The following ITGBL1 variants were observed in gnomAD, a reference collection of about 807,000 sequenced individuals.
ITGBL1 encodes integrin subunit beta like 1, also known as integrin beta-like protein 1.
ITGBL1 carries 51 observed loss-of-function variants against 68.5 expected under a neutral mutation model. The ratio of observed to expected loss-of-function variants is 0.74; its 90% CI spans 0.59 to 0.94. The LOEUF (loss-of-function observed/expected upper bound fraction) is 0.94, where lower values mean the gene tolerates loss of function less well. Among genes scored for constraint, ITGBL1 ranks in the 40% least tolerant of loss-of-function variants. The pLI is 0.00. For synonymous variants in ITGBL1, 209 were observed against 227.3 expected, an observed-to-expected ratio of 0.92 and a Z score of 0.72; for missense variants, 649 against 647.4, an observed-to-expected ratio of 1.00 and a Z score of -0.03.
intron 2 of ITGBL1, among the ~76,000 whole-genome samples, chr13:101,495,648 C>T (rs112787779): frequency 3.0e-4 from 46 of 151,774 alleles, no homozygotes; most frequent in Middle Eastern, 3.4e-3. Context: ...ATTTTTGGTA[C>T]ACTTCCAATC....
intron 2 of ITGBL1, among the ~76,000 whole-genome samples, chr13:101,559,425 A>G (rs2050064560): frequency 6.6e-6 from 1 of 152,220 alleles, no homozygotes; most frequent in Non-Finnish European, 1.5e-5. Flanking sequence ...GAATTATTTC[A>G]TGTAGTTTTA....
intron 2 of ITGBL1, among the ~76,000 whole-genome samples, chr13:101,556,475 A>G (rs895533770): frequency 6.6e-6 from 1 of 152,032 alleles, no homozygotes; most frequent in African/African-American, 2.4e-5. Context: ...TGTCACTACT[A>G]AAAATACAAA....
At chr13:101,586,944 C>T (rs535091589) in intron 6 of ITGBL1, among the ~76,000 whole-genome samples, 34 of 152,048 alleles carry the variant, frequency 2.2e-4, no homozygotes, top group Non-Finnish European at 4.4e-4. Flanking sequence ...ATATTAATAC[C>T]TTTGTGTTAT....
At chr13:101,457,480 T>A (rs889432686) in intron 2 of ITGBL1, among the ~76,000 whole-genome samples, 2 of 152,324 alleles carry the variant, frequency 1.3e-5, no homozygotes, top group South Asian at 4.1e-4. Flanking sequence ...TGAAAGTGAT[T>A]AGGTTCCCTC....
intron 7 of ITGBL1, among the ~76,000 whole-genome samples, chr13:101,682,873 A>C (rs1361858297): frequency 3.3e-5 from 5 of 152,060 alleles, no homozygotes; most frequent in African/African-American, 4.8e-5. Flanking sequence ...TATTTAGAAT[A>C]GTTTTCTCAC....
intron 8 of ITGBL1, among the ~76,000 whole-genome samples, chr13:101,702,740 A>G (rs1376088944): frequency 6.6e-6 from 1 of 152,222 alleles, no homozygotes; most frequent in Non-Finnish European, 1.5e-5. Context: ...AGCTGGTACT[A>G]GAAGCTCTCT....
chr13:101,697,502 GAGA>G (rs1452877241), intron 8 of ITGBL1, among the ~76,000 whole-genome samples: 1 of 152,128 alleles, frequency 6.6e-6, no homozygotes, highest in African/African-American at 2.4e-5. Flanking sequence ...AGATTTAAGT[GAGA>G]AGAAGTAACC....
At chr13:101,546,239 G>A (rs1274855167) in intron 2 of ITGBL1, among the ~76,000 whole-genome samples, 1 of 152,060 alleles carries the variant, frequency 6.6e-6, no homozygotes, top group Non-Finnish European at 1.5e-5. Flanking sequence ...AGGGTGGTTG[G>A]TGCAATTGCA....
chr13:101,536,900 G>A (rs1008914148), intron 2 of ITGBL1, among the ~76,000 whole-genome samples: 2 of 151,804 alleles, frequency 1.3e-5, no homozygotes, highest in African/African-American at 4.8e-5. Flanking sequence ...GGCATTTAAA[G>A]GTTTAATTTA....
At chr13:101,505,547 T>C (rs1031118836) in intron 2 of ITGBL1, among the ~76,000 whole-genome samples, 1 of 152,202 alleles carries the variant, frequency 6.6e-6, no homozygotes, top group African/African-American at 2.4e-5. Context: ...TCAATCTGTA[T>C]TGAAATGGAT....
chr13:101,534,952 A>G (rs1451577265), intron 2 of ITGBL1, among the ~76,000 whole-genome samples: 1 of 152,120 alleles, frequency 6.6e-6, no homozygotes, highest in African/African-American at 2.4e-5. Context: ...GCAAGGAGAG[A>G]TGGAGCATTT....
At position 101,699,552 on chromosome 13, in the gene ITGBL1, C is replaced by T. The variant is rs140675943; in HGVS notation, c.1132+6851C>T. ...TTTATAAGGGGCTTCCCCCTTCACT[C>T]GACTCTCATACTTCTTCTTCCTGCC... On this transcript the variant is annotated intron_variant, in intron 8 of 10. Coordinates refer to ENST00000376180, the MANE Select transcript of ITGBL1 (RefSeq NM_004791.3). Among the ~76,000 whole-genome samples the T allele has an allele frequency of 1.2e-4, 19 of 152,234 alleles. No individual in the cohort carries two copies. In the East Asian group the frequency reaches 2.5e-3, roughly 20 times the overall value.
intron 2 of ITGBL1, among the ~76,000 whole-genome samples, chr13:101,550,320 C>T (rs2049900064): frequency 6.6e-6 from 1 of 152,120 alleles, no homozygotes; most frequent in African/African-American, 2.4e-5. Flanking sequence ...CTACTGTCTC[C>T]TTCTGGGGCA....
chr13:101,671,447 G>GGTTTTTT (rs2033368138), intron 7 of ITGBL1, among the ~76,000 whole-genome samples: 1 of 103,646 alleles, frequency 9.6e-6, no homozygotes, highest in African/African-American at 4.1e-5. Context: ...GTTTTTTTTT[G>GGTTTTTT]TTTTTTTTTG....
intron 2 of ITGBL1, among the ~76,000 whole-genome samples, chr13:101,560,581 TAC>T (rs2050083114): frequency 1.3e-5 from 2 of 152,330 alleles, no homozygotes; most frequent in South Asian, 2.1e-4. Flanking sequence ...TGTAGAATAA[TAC>T]ATTTACTTTT....
chr13:101,567,941 T>C, intron 3 of ITGBL1, 96 bp downstream of exon 3: 1 of 938,302 alleles, frequency 1.1e-6, no homozygotes. Context: ...AATCTCAGAG[T>C]GAGTCTGCTT....
intron 7 of ITGBL1, among the ~76,000 whole-genome samples, chr13:101,668,387 C>CA (rs77564579): frequency 2.4e-4 from 37 of 152,002 alleles, no homozygotes; most frequent in Middle Eastern, 3.4e-3. Context: ...AACTCCATCT[C>CA]AAAAAATAGG....
intron 2 of ITGBL1, among the ~76,000 whole-genome samples, chr13:101,483,211 C>T (rs891491546): frequency 6.6e-6 from 1 of 152,186 alleles, no homozygotes; most frequent in African/African-American, 2.4e-5. Context: ...ACCTGGAATC[C>T]TCTTGATGTT....
At chr13:101,467,131 C>T (rs141472556) in intron 2 of ITGBL1, among the ~76,000 whole-genome samples, 1 of 152,208 alleles carries the variant, frequency 6.6e-6, no homozygotes, top group African/African-American at 2.4e-5. Context: ...GTGCTCATGA[C>T]CTAATCACCT....
Sources: gnomAD v4.1 joint callset for allele counts (sites outside exome capture counted in the v4.1 genomes callset) on GRCh38, gnomAD v4.1.1 for gene constraint, MANE v1.5 for transcripts, NCBI Gene and HGNC (gene_info 2026-07-23, HGNC 2026-07-21) for gene names.